The following MYO16 variants were observed in gnomAD, a reference collection of about 807,000 sequenced individuals.
MYO16 encodes myosin XVI.
A neutral mutation model predicts 205.3 loss-of-function variants in MYO16; 94 were observed. The ratio of observed to expected loss-of-function variants is 0.46; its 90% confidence interval spans 0.39 to 0.54. The LOEUF is 0.54. MYO16 is among the 20% of genes least tolerant of loss of function. The probability of loss-of-function intolerance (pLI) is 0.00; values close to 1 mark genes in which losing one functional copy is unlikely to be tolerated. For synonymous variants in MYO16, 988 were observed against 954.0 expected (o/e 1.04, Z -0.66); for missense variants, 2,315 against 2,387.5 (o/e 0.97, Z 0.63).
chr13:108,799,867 GGAA>G (rs568675979), intron 6 of MYO16, among the ~76,000 whole-genome samples: 70 of 152,294 alleles, frequency 4.6e-4, no homozygotes, highest in African/African-American at 1.3e-3. Flanking sequence ...GAAGTTAAGA[GGAA>G]GAAGAAGGGA....
intron 15 of MYO16, among the ~76,000 whole-genome samples, chr13:108,908,436 A>G (rs1453079087): frequency 1.3e-5 from 2 of 152,214 alleles, no homozygotes; most frequent in Admixed American, 6.5e-5. Flanking sequence ...AGTTGTTAGA[A>G]CAGATTTGCT....
intron 28 of MYO16, among the ~76,000 whole-genome samples, chr13:109,116,862 C>T (rs1166919584): frequency 6.6e-6 from 1 of 152,062 alleles, no homozygotes; most frequent in African/African-American, 2.4e-5. Context: ...AAGGCAGACA[C>T]TTGCAATGGT....
At chr13:108,610,090 G>C (rs192563345) in intron 1 of MYO16, among the ~76,000 whole-genome samples, 166 of 152,236 alleles carry the variant, frequency 1.1e-3, no homozygotes, top group Middle Eastern at 3.4e-3. Flanking sequence ...CCTGAAACGG[G>C]TATCCAGGCT....
At chr13:108,826,117 A>G (rs79716206) in intron 9 of MYO16, among the ~76,000 whole-genome samples, 2,941 of 152,236 alleles carry the variant, frequency 0.019, 88 homozygotes, top group African/African-American at 0.068. Context: ...GAATCCCTAA[A>G]ATAATTATGT....
intron 32 of MYO16, among the ~76,000 whole-genome samples, chr13:109,154,749 T>G (rs962040514): frequency 1.3e-5 from 2 of 151,742 alleles, no homozygotes; most frequent in African/African-American, 4.8e-5. Context: ...TGGCCACACA[T>G]CGTGGCTCAG....
chr13:109,162,287 T>G lies in MYO16; in HGVS notation c.5165-2614T>G, dbSNP rs9587783. Among the ~76,000 whole-genome samples the G allele has an allele frequency of 0.12, 17,732 of 152,168 alleles. 1,093 individuals carry two copies. Among genetic ancestry groups the G allele is most frequent in the Middle Eastern group, 0.19 (56 of 294 alleles). ...GAGAGTCAGCAAGTGCCTTAGAGGA[T>G]TCGTTTATTGCCACCAGGTGTAAGA... On this transcript the variant is annotated intron_variant, in intron 32 of 34. Coordinates refer to ENST00000457511, the MANE Select transcript of MYO16 (RefSeq NM_001198950.3). This position sits in a 1 kb window ranked among gnomAD's most constrained non-coding sequence, Gnocchi z 4.6.
chr13:108,962,303 T>A, intron 18 of MYO16, 121 bp from the exon 19 acceptor site: 1 of 715,146 alleles, frequency 1.4e-6, no homozygotes, highest in East Asian at 2.7e-5. Flanking sequence ...AATGACTTTT[T>A]AAAATACTCA....
chr13:108,874,685 T>TTCTTCATCA (rs1555307949), intron 12 of MYO16, among the ~76,000 whole-genome samples: 1 of 126,052 alleles, frequency 7.9e-6, no homozygotes, highest in African/African-American at 2.7e-5. Context: ...GGCAGACAGT[T>TTCTTCATCA]TCATCATCAT....
chr13:108,703,488 C>T (rs953745085), intron 2 of MYO16, among the ~76,000 whole-genome samples: 5 of 151,962 alleles, frequency 3.3e-5, no homozygotes, highest in Admixed American at 1.3e-4. Flanking sequence ...ATTTCAGTAC[C>T]TTTCACAGCA....
intron 5 of MYO16, among the ~76,000 whole-genome samples, chr13:108,787,542 T>C (rs1004501740): frequency 3.3e-5 from 5 of 152,250 alleles, no homozygotes; most frequent in African/African-American, 7.2e-5. Flanking sequence ...TTTCGTTTGA[T>C]AGGAAATTTT....
upstream of MYO16, among the ~76,000 whole-genome samples, chr13:108,624,653 C>T (rs1377915604): frequency 6.6e-6 from 1 of 152,116 alleles, no homozygotes; most frequent in African/African-American, 2.4e-5. Flanking sequence ...AAATGTCCTG[C>T]TTTAGATACC....
intron 2 of MYO16, among the ~76,000 whole-genome samples, chr13:108,687,640 A>C (rs1411386122): frequency 6.6e-6 from 1 of 152,250 alleles, no homozygotes; most frequent in African/African-American, 2.4e-5. Context: ...AAAGAACTTG[A>C]TGTATTTGAA....
chr13:108,529,266 C>T, the MYO16 span, among the ~76,000 whole-genome samples: 1 of 152,100 alleles, frequency 6.6e-6, no homozygotes, highest in Non-Finnish European at 1.5e-5. Flanking sequence ...CTAGGGCATT[C>T]AGAGCAGGTA....
intron 34 of MYO16, among the ~76,000 whole-genome samples, chr13:109,189,103 G>GAA (rs552788348): frequency 7.0e-6 from 1 of 142,330 alleles, no homozygotes; most frequent in African/African-American, 2.6e-5. Context: ...TAAAAAAAAT[G>GAA]AAAAAAAAAA....
At chr13:108,565,182 G>A in the MYO16 span, among the ~76,000 whole-genome samples, 1 of 151,994 alleles carries the variant, frequency 6.6e-6, no homozygotes, top group Admixed American at 6.6e-5. Context: ...ATTCTTCCAA[G>A]GATCTTCTAT....
intron 1 of MYO16, among the ~76,000 whole-genome samples, chr13:108,619,006 G>T (rs9514872): frequency 6.6e-6 from 1 of 152,198 alleles, no homozygotes; most frequent in Middle Eastern, 3.4e-3. Context: ...TAGCCCATTT[G>T]CCTGATTTCT....
intron 1 of MYO16, among the ~76,000 whole-genome samples, chr13:108,636,013 GGT>G (rs920577302): frequency 3.9e-5 from 6 of 152,034 alleles, no homozygotes; most frequent in East Asian, 1.9e-4. Flanking sequence ...GTGGAATTAA[GGT>G]GTGTGTGTGT....
intron 16 of MYO16, among the ~76,000 whole-genome samples, chr13:108,941,048 A>G (rs1323447180): frequency 6.6e-6 from 1 of 152,182 alleles, no homozygotes; most frequent in Non-Finnish European, 1.5e-5. Flanking sequence ...TTTCACACCA[A>G]CAACAAAAAC....
rs371636473 is a variant in MYO16 at position 108,798,798 on chromosome 13, C to T, written c.741+5158C>T. ...TCGGCTCACTGCAAGCTCCGCCTCC[C>T]GGGTTCACGCCATTCTCCTGCCTCA... is the stretch of plus-strand genomic sequence containing the variant. On this transcript the variant is annotated intron_variant, in intron 6 of 34. Coordinates refer to ENST00000457511, the MANE Select transcript of MYO16 (RefSeq NM_001198950.3). Among the ~76,000 whole-genome samples the T allele has an allele frequency of 1.8e-4, 26 of 143,094 alleles. No individual in the cohort carries two copies. The South Asian group carries it at 4.7e-3, about 26-fold the overall frequency. The allele number at this position is 143,094 out of a possible 152,430, so 93.9% of individuals were successfully genotyped here. A position where few individuals can be genotyped will look rare whatever the true frequency, so the allele number is the denominator to read the frequency against.
Sources: gnomAD v4.1 joint callset for allele counts (sites outside exome capture counted in the v4.1 genomes callset) on GRCh38, gnomAD v4.1.1 for gene constraint, Gnocchi (gnomAD v3.1) non-coding constraint, MANE v1.5 for transcripts, NCBI Gene and HGNC (gene_info 2026-07-23, HGNC 2026-07-21) for gene names.